The following ITGAL variants were observed in gnomAD, a reference collection of about 807,000 sequenced individuals.
The protein encoded by ITGAL is integrin alpha-L.
ITGAL carries 68 observed loss-of-function variants against 138.4 expected under a neutral mutation model. The observed-to-expected ratio is 0.49, with a 90% CI of 0.40 to 0.60. The LOEUF (loss-of-function observed/expected upper bound fraction) is 0.60, where lower values mean the gene tolerates loss of function less well. Among genes scored for constraint, ITGAL ranks in the 20% least tolerant of loss-of-function variants. The pLI is 0.00. For synonymous variants in ITGAL, 561 were observed against 584.3 expected, an observed-to-expected ratio of 0.96 and a Z score of 0.57; for missense variants, 1,256 against 1,478.6, an observed-to-expected ratio of 0.85 and a Z score of 2.47.
chr16:30,491,573 C>A (rs1001847340), intron 11 of ITGAL, among the ~76,000 whole-genome samples: 1 of 152,010 alleles, frequency 6.6e-6, no homozygotes, highest in Non-Finnish European at 1.5e-5. Flanking sequence ...TAGCACTAAG[C>A]ATTTTATATA....
chr16:30,507,112 C>T (rs1020811101), intron 21 of ITGAL, among the ~76,000 whole-genome samples: 1 of 152,092 alleles, frequency 6.6e-6, no homozygotes, highest in Non-Finnish European at 1.5e-5. Flanking sequence ...CACCTGAGGT[C>T]GGGAGCTCGA....
chr16:30,492,369 G>A (rs1270714417), intron 11 of ITGAL, among the ~76,000 whole-genome samples: 1 of 150,982 alleles, frequency 6.6e-6, no homozygotes, highest in Non-Finnish European at 1.5e-5. Context: ...TCTTGCCTCA[G>A]CCTCCTGAGT....
rs754291856 is a variant in ITGAL at position 30,474,263 on chromosome 16, G to T, written c.129G>T (p.Arg43Ser). 2.5e-6 allele frequency: 4 copies of T among 1,609,632 alleles called. No homozygotes were observed. In the East Asian group the frequency reaches 9.0e-5, roughly 36 times the overall value. Residue 43 changes from arginine (R) to serine (S), a missense_variant, in exon 2 of 31, where the codon AGG (arginine) becomes AGT (serine). Around this residue, in one of 3 missense-constraint regions of ITGAL, gnomAD observed 212 missense variants for 217.4 expected, o/e 0.98. Coordinates refer to ENST00000356798, the MANE Select transcript of ITGAL (RefSeq NM_002209.3). ...ARSFSPPRAG[R>S]HFGYRVLQVG... ...GCTTCTCCCCACCGCGCGCCGGGAG[G>T]CACTTTGGATACCGCGTCCTGCAGG...
In ITGAL at chr16:30,505,146, A is replaced by T. The variant is rs111740185; in HGVS notation, c.2236-98A>T. 237 of 1,217,574 alleles carry T rather than the reference A, an allele frequency of 1.9e-4. No homozygotes were observed. In the African/African-American group the frequency reaches 3.1e-3, roughly 16 times the overall value. The allele number at this position is 1,217,574 out of a possible 1,614,324, so 75.4% of individuals were successfully genotyped here. ...GGGCAGGGCCAACCACAGCCAGCCC[A>T]GTTGAGCTAAGCCCCTGCCCCTCCA... On this transcript the variant is annotated intron_variant, in intron 18 of 30. Transcript: ENST00000356798.
At chr16:30,476,346 C>T (rs1244814796) in intron 4 of ITGAL, among the ~76,000 whole-genome samples, 2 of 151,862 alleles carry the variant, frequency 1.3e-5, no homozygotes, top group African/African-American at 2.4e-5. Context: ...TTTTCAATAA[C>T]TTAACCTCAC....
At chr16:30,509,071 G>C (rs1452805275) in intron 21 of ITGAL, among the ~76,000 whole-genome samples, 1 of 151,688 alleles carries the variant, frequency 6.6e-6, no homozygotes, top group Non-Finnish European at 1.5e-5. Context: ...CAGCTGCTTG[G>C]GAGGCTGAGG....
At chr16:30,479,733 T>G (rs1003635464) in intron 6 of ITGAL, among the ~76,000 whole-genome samples, 1 of 135,536 alleles carries the variant, frequency 7.4e-6, no homozygotes, top group African/African-American at 2.7e-5. Context: ...CAATCTCGAC[T>G]CACTGCCTCC....
intron 25 of ITGAL, 58 bp downstream of exon 25, chr16:30,513,904 G>T: frequency 7.6e-7 from 1 of 1,308,770 alleles, no homozygotes; most frequent in South Asian, 1.2e-5. Context: ...TTATCCCGGG[G>T]ACTGAGGATG....
At chr16:30,518,512 A>T (rs2051204555) in intron 28 of ITGAL, 112 bp from the exon 29 acceptor site, 3 of 714,674 alleles carry the variant, frequency 4.2e-6, no homozygotes, top group Non-Finnish European at 7.6e-6. Context: ...AGATGGGTGC[A>T]CCCCCCTGGA....
intron 9 of ITGAL, among the ~76,000 whole-genome samples, chr16:30,487,342 C>G (rs2050662478): frequency 6.6e-6 from 1 of 152,088 alleles, no homozygotes. Flanking sequence ...AGTCTTCTGC[C>G]TCAGCCTCAC....
intron 17 of ITGAL, among the ~76,000 whole-genome samples, chr16:30,501,744 A>G (rs892949950): frequency 6.6e-6 from 1 of 152,318 alleles, no homozygotes; most frequent in South Asian, 2.1e-4. Context: ...AAAGTTTTTA[A>G]AAAAGTTAAA....
intron 11 of ITGAL, among the ~76,000 whole-genome samples, chr16:30,489,614 C>G (rs1224168977): frequency 2.0e-5 from 3 of 152,144 alleles, no homozygotes; most frequent in Non-Finnish European, 4.4e-5. Context: ...TAGGCAAATT[C>G]CTAGAGATAG....
chr16:30,493,961 C>G (rs116953341), intron 11 of ITGAL, among the ~76,000 whole-genome samples: 2 of 152,284 alleles, frequency 1.3e-5, no homozygotes, highest in East Asian at 3.9e-4. Flanking sequence ...AGAGGCTCCA[C>G]GCTCCACTTG....
intron 21 of ITGAL, among the ~76,000 whole-genome samples, chr16:30,507,768 T>G (rs1355581666): frequency 2.0e-5 from 3 of 152,106 alleles, no homozygotes; most frequent in Admixed American, 6.6e-5. Flanking sequence ...ATTACAGGTG[T>G]GAACAAGTGT....
At chr16:30,521,284 G>A (rs2051249534) in intron 30 of ITGAL, among the ~76,000 whole-genome samples, 1 of 151,860 alleles carries the variant, frequency 6.6e-6, no homozygotes, top group East Asian at 1.9e-4. Flanking sequence ...GCAGATGCCT[G>A]TAATCCCAGC....
At chr16:30,490,619 A>G (rs911062611) in intron 11 of ITGAL, among the ~76,000 whole-genome samples, 2 of 152,110 alleles carry the variant, frequency 1.3e-5, no homozygotes, top group Non-Finnish European at 2.9e-5. Flanking sequence ...TTTCAATGAC[A>G]GTGACTCTCT....
chr16:30,492,460 C>T (rs1046887384), intron 11 of ITGAL, among the ~76,000 whole-genome samples: 7 of 148,074 alleles, frequency 4.7e-5, no homozygotes, highest in Non-Finnish European at 9.0e-5. Flanking sequence ...CCATGTTGAC[C>T]AGGCTGGTCT....
intron 7 of ITGAL, 77 bp from the exon 8 acceptor site, chr16:30,483,748 GAC>G: frequency 6.8e-7 from 1 of 1,464,764 alleles, no homozygotes; most frequent in South Asian, 1.3e-5. Context: ...GCATGGAGGT[GAC>G]TTGATGAGCA....
At chr16:30,520,059 AG>A in intron 30 of ITGAL, 92 bp downstream of exon 30, 2 of 912,278 alleles carry the variant, frequency 2.2e-6, no homozygotes. Context: ...ACCAAGCCAG[AG>A]GGCATAAGAG....
Sources: allele counts gnomAD v4.1 joint callset (sites outside exome capture counted in the v4.1 genomes callset), GRCh38; gene constraint gnomAD v4.1.1; regional missense constraint gnomAD v4.1.1; transcripts MANE v1.5; gene names NCBI Gene and HGNC (gene_info 2026-07-23, HGNC 2026-07-21).